Variants in IGF2BP3 observed in about 807,000 individuals in gnomAD.
IGF2BP3 encodes the protein insulin-like growth factor 2 mRNA-binding protein 3.
IGF2BP3 carries 9 observed loss-of-function variants against 73.8 expected under a neutral mutation model. The ratio of observed to expected loss-of-function variants is 0.12; its 90% CI spans 0.07 to 0.21. The LOEUF is 0.21. IGF2BP3 is among the 10% of genes least tolerant of loss of function. The probability of loss-of-function intolerance (pLI) is 1.00; values close to 1 mark genes in which losing one functional copy is unlikely to be tolerated. For synonymous variants in IGF2BP3, 258 were observed against 256.7 expected (o/e 1.01, Z -0.05); for missense variants, 542 against 714.0 (o/e 0.76, Z 2.75).
chr7:23,454,502 T>C (rs2128549536), intron 2 of IGF2BP3, among the ~76,000 whole-genome samples: 1 of 152,314 alleles, frequency 6.6e-6, no homozygotes, highest in East Asian at 1.9e-4. Context: ...ACAAACTTAT[T>C]AGTGAGACAA....
rs115332824 is a variant in IGF2BP3, at chr7:23,463,665, T to C, written c.236+4817A>G. 6.3e-3 allele frequency among the ~76,000 whole-genome samples: 954 copies of C among 152,294 alleles called. 6 individuals are homozygous for C. The highest frequency in any genetic ancestry group is 0.022 in the African/African-American group (902 of 41,560). On this transcript the variant is annotated intron_variant, in intron 2 of 14. Coordinates refer to ENST00000258729, the MANE Select transcript of IGF2BP3 (RefSeq NM_006547.3). ...CAGAAACAGAAGCCAAGATTCTCGA[T>C]TTCCACTGGCTCCTGGCACATGTCA...
At chr7:23,466,821 G>A (rs1788576794) in intron 2 of IGF2BP3, among the ~76,000 whole-genome samples, 1 of 152,208 alleles carries the variant, frequency 6.6e-6, no homozygotes, top group African/African-American at 2.4e-5. Flanking sequence ...TCGATGAATT[G>A]TAAAAATCCA....
chr7:23,449,439 A>G (rs1424523633), intron 2 of IGF2BP3, among the ~76,000 whole-genome samples: 1 of 151,420 alleles, frequency 6.6e-6, no homozygotes, highest in Non-Finnish European at 1.5e-5. Context: ...ATGGCATGAA[A>G]CCGGGAGGCA....
At chr7:23,360,445 T>C (rs192169361) in intron 5 of IGF2BP3, among the ~76,000 whole-genome samples, 182 of 152,342 alleles carry the variant, frequency 1.2e-3, no homozygotes, top group Middle Eastern at 3.4e-3. Flanking sequence ...GTAGCATTTG[T>C]TTTCCACATG....
intron 10 of IGF2BP3, among the ~76,000 whole-genome samples, chr7:23,340,888 C>T (rs1345074296): frequency 2.0e-5 from 3 of 146,916 alleles, no homozygotes; most frequent in South Asian, 2.1e-4. Context: ...TTCGCTCTGT[C>T]GCCCAGGCTG....
intron 2 of IGF2BP3, among the ~76,000 whole-genome samples, chr7:23,428,526 A>T (rs199789209): frequency 0.015 from 2,233 of 145,442 alleles, 29 homozygotes; most frequent in African/African-American, 0.026. Flanking sequence ...AAAGAAAAAA[A>T]AAATATATAT....
chr7:23,397,972 A>C lies in IGF2BP3; in HGVS notation c.285+20804T>G, dbSNP rs976877873. The stretch of plus-strand genomic sequence containing the variant: ...GGCGAGAGAGGAGGCAAAGTCAGAG[A>C]GAAGACAATCTGAGGACAGAAGCAG... On this transcript the variant is annotated intron_variant, in intron 3 of 14. Transcript: ENST00000258729. 2.0e-5 allele frequency among the ~76,000 whole-genome samples: 3 copies of C among 152,206 alleles called. No homozygotes were observed. The East Asian group carries it at 5.8e-4, about 29-fold the overall frequency.
intron 3 of IGF2BP3, among the ~76,000 whole-genome samples, chr7:23,388,646 C>A (rs1583976641): frequency 1.3e-5 from 2 of 149,792 alleles, no homozygotes; most frequent in Non-Finnish European, 1.5e-5. Context: ...AAGAACATTC[C>A]CCAAGGGAGG....
At chr7:23,338,169 G>C (rs1482407509) in intron 10 of IGF2BP3, among the ~76,000 whole-genome samples, 1 of 152,120 alleles carries the variant, frequency 6.6e-6, no homozygotes, top group African/African-American at 2.4e-5. Flanking sequence ...GGGATGGCAG[G>C]TGGTCCAGAG....
intron 3 of IGF2BP3, among the ~76,000 whole-genome samples, chr7:23,367,152 T>C (rs1785398750): frequency 1.3e-5 from 2 of 152,066 alleles, no homozygotes; most frequent in African/African-American, 4.8e-5. Context: ...CTACTTTTTG[T>C]ATTATAGTAG....
intron 2 of IGF2BP3, among the ~76,000 whole-genome samples, chr7:23,449,965 G>C (rs576110385): frequency 6.6e-6 from 1 of 152,270 alleles, no homozygotes; most frequent in African/African-American, 2.4e-5. Flanking sequence ...AAGAAGTTAA[G>C]ACTATTTTCC....
chr7:23,365,035 G>A (rs745859877), intron 3 of IGF2BP3, among the ~76,000 whole-genome samples: 13 of 152,142 alleles, frequency 8.5e-5, no homozygotes, highest in East Asian at 3.9e-4. Flanking sequence ...CAGTGGTGGC[G>A]CATGCCTGTA....
chr7:23,376,387 T>C (rs972108384), intron 3 of IGF2BP3, among the ~76,000 whole-genome samples: 5 of 150,386 alleles, frequency 3.3e-5, no homozygotes, highest in African/African-American at 1.2e-4. Flanking sequence ...ATACAAAAAT[T>C]AGCCGGGCAT....
chr7:23,450,382 A>T (rs1192476369), intron 2 of IGF2BP3, among the ~76,000 whole-genome samples: 5 of 152,214 alleles, frequency 3.3e-5, no homozygotes, highest in African/African-American at 1.2e-4. Flanking sequence ...ATATTTTCTC[A>T]AAAAGGAATA....
At chr7:23,422,870 A>ACT (rs1249628888) in intron 2 of IGF2BP3, among the ~76,000 whole-genome samples, 1 of 152,176 alleles carries the variant, frequency 6.6e-6, no homozygotes, top group Non-Finnish European at 1.5e-5. Context: ...ATCTCGGCTC[A>ACT]CTGCAACCTC....
At chr7:23,457,082 G>A (rs1473265906) in intron 2 of IGF2BP3, among the ~76,000 whole-genome samples, 1 of 151,874 alleles carries the variant, frequency 6.6e-6, no homozygotes, top group Non-Finnish European at 1.5e-5. Context: ...AAGAAATTTA[G>A]TTTTAGGTTT....
At chr7:23,399,190 T>C (rs976118705) in intron 3 of IGF2BP3, among the ~76,000 whole-genome samples, 1 of 152,086 alleles carries the variant, frequency 6.6e-6, no homozygotes, top group African/African-American at 2.4e-5. Flanking sequence ...TTCTTGTTTT[T>C]GTCAGGTTTG....
intron 2 of IGF2BP3, among the ~76,000 whole-genome samples, chr7:23,452,075 G>A (rs1207460660): frequency 6.6e-6 from 1 of 151,150 alleles, no homozygotes; most frequent in Non-Finnish European, 1.5e-5. Flanking sequence ...CGTGATATCA[G>A]CTCACTGCAA....
Position 23,361,749 on chromosome 7 carries a change from G to A in IGF2BP3, c.286-8C>T. Reference sequence around the variant, plus strand: ...TAGTAAACTATCCAGCACCTATCAGGAGGGGGAGAGAAAATTATAAATTTT... The same window carrying A: ...TAGTAAACTATCCAGCACCTATCAGAAGGGGGAGAGAAAATTATAAATTTT... On this transcript the variant is annotated splice_polypyrimidine_tract_variant and splice_region_variant and intron_variant, in intron 3 of 14. Transcript: ENST00000258729. The A allele has an allele frequency of 1.3e-6, 2 of 1,597,816 alleles. No individual in the cohort carries two copies. Among genetic ancestry groups the A allele is most frequent in the South Asian group, 2.3e-5 (2 of 87,764 alleles).
Sources: gnomAD v4.1 joint callset for allele counts (sites outside exome capture counted in the v4.1 genomes callset) on GRCh38, gnomAD v4.1.1 for gene constraint, MANE v1.5 for transcripts, NCBI Gene and HGNC (gene_info 2026-07-23, HGNC 2026-07-21) for gene names.